KALRN: variants seen among roughly 807,000 people sequenced by gnomAD.
KALRN encodes kalirin.
In KALRN, 70 loss-of-function variants were observed where a neutral mutation model predicts 353.7. That is an observed-to-expected ratio of 0.20 (90% CI 0.16 to 0.24). The LOEUF is 0.24. KALRN is among the 10% of genes least tolerant of loss of function. The probability of loss-of-function intolerance (pLI) is 1.00; values close to 1 mark genes in which losing one functional copy is unlikely to be tolerated. For missense variants in KALRN, 2,791 were observed against 3,756.7 expected (o/e 0.74, Z 6.72); for synonymous variants, 1,391 against 1,434.8 (o/e 0.97, Z 0.69).
Position 124,264,504 on chromosome 3 carries a change from C to A in KALRN, c.270C>A (p.Asp90Glu). Residue 90 changes from aspartate (D) to glutamate (E), a missense_variant, in exon 4 of 60, where the codon GAC (aspartate) becomes GAA (glutamate). Physicochemically the swap from Asp to Glu is conservative, Grantham distance 45. This residue lies in a region of KALRN where 110 missense variants were observed against 204.1 expected (regional missense o/e 0.54). Coordinates refer to ENST00000682506, the MANE Select transcript of KALRN (RefSeq NM_001388419.1). Reference sequence around the variant, plus strand: ...ACCTCTGACCTCCCCACAGTGAGGACGTGTGCAAACGTGGCTTCACTGTCA... The same window carrying A: ...ACCTCTGACCTCCCCACAGTGAGGAAGTGTGCAAACGTGGCTTCACTGTCA... ...VTYLASVPSE[D>E]VCKRGFTVII... 6.2e-7 allele frequency: 1 copy of A among 1,613,730 alleles called. No homozygotes were observed. The highest frequency in any genetic ancestry group is 8.5e-7 in the Non-Finnish European group (1 of 1,179,856).
chr3:124,342,191 C>T (rs762812569), intron 9 of KALRN, among the ~76,000 whole-genome samples: 73 of 134,808 alleles, frequency 5.4e-4, no homozygotes, highest in Middle Eastern at 3.9e-3. Context: ...TATAAATATA[C>T]GGAGTCCAAG....
At chr3:124,294,228 C>G (rs905034145) in intron 5 of KALRN, among the ~76,000 whole-genome samples, 5 of 151,782 alleles carry the variant, frequency 3.3e-5, no homozygotes. Flanking sequence ...GGATAACTGC[C>G]CTGGGGAGCT....
intron 4 of KALRN, among the ~76,000 whole-genome samples, chr3:124,266,780 T>C (rs1404258361): frequency 6.6e-6 from 1 of 152,222 alleles, no homozygotes; most frequent in Non-Finnish European, 1.5e-5. Flanking sequence ...TGGCTTGGTA[T>C]AAAAACAGTG....
In KALRN at chr3:124,167,764, C is replaced by T. The variant is rs567552741; in HGVS notation, c.74-60226C>T. 3.9e-5 allele frequency among the ~76,000 whole-genome samples: 6 copies of T among 152,304 alleles called. No individual in the cohort carries two copies. In the South Asian group the frequency reaches 1.2e-3, roughly 32 times the overall value. On this transcript the variant is annotated intron_variant, in intron 1 of 59. Transcript: ENST00000682506. The stretch of plus-strand genomic sequence containing the variant: ...TCTCCCATAGAGTAGCCAATAGTCA[C>T]ATGTAGCTGTTAACATTAAAATTAG...
intron 49 of KALRN, 40 bp downstream of exon 49, chr3:124,674,654 G>T: frequency 6.7e-7 from 1 of 1,484,198 alleles, no homozygotes; most frequent in Non-Finnish European, 9.0e-7. Context: ...GGAGTATGAG[G>T]ATTAAAAATA....
At chr3:124,330,319 A>G (rs1435102828) in intron 8 of KALRN, among the ~76,000 whole-genome samples, 2 of 150,852 alleles carry the variant, frequency 1.3e-5, no homozygotes, top group Admixed American at 6.6e-5. Flanking sequence ...GTGTGTGAAG[A>G]TTGGACTTTC....
chr3:124,077,675 T>G (rs1452849269), intron 1 of KALRN, among the ~76,000 whole-genome samples: 1 of 152,216 alleles, frequency 6.6e-6, no homozygotes, highest in Admixed American at 6.5e-5. Context: ...ACTATTGCAA[T>G]AGGCTTCAAA....
chr3:124,677,709 T>A (rs1051924719), intron 49 of KALRN: 3 of 427,188 alleles, frequency 7.0e-6, no homozygotes, highest in African/African-American at 4.1e-5. Context: ...ATACAAATCA[T>A]GAGGTAGAAC....
intron 1 of KALRN, among the ~76,000 whole-genome samples, chr3:124,081,747 G>T (rs1217733383): frequency 6.6e-6 from 1 of 152,034 alleles, no homozygotes; most frequent in African/African-American, 2.4e-5. Context: ...ACAGAATGAG[G>T]CCCTGTCTCA....
At chr3:124,417,830 G>A (rs922797441) in intron 14 of KALRN, among the ~76,000 whole-genome samples, 3 of 152,244 alleles carry the variant, frequency 2.0e-5, no homozygotes, top group African/African-American at 4.8e-5. Context: ...GATAACATGG[G>A]AGGATGGAAA....
At chr3:124,053,056 A>T (rs983205282) in intron 1 of KALRN, among the ~76,000 whole-genome samples, 3 of 152,164 alleles carry the variant, frequency 2.0e-5, no homozygotes, top group Non-Finnish European at 4.4e-5. Flanking sequence ...ATTTTTAAAG[A>T]TATGGGGTCT....
intron 33 of KALRN, among the ~76,000 whole-genome samples, chr3:124,510,246 T>C (rs2065749764): frequency 6.6e-6 from 1 of 152,186 alleles, no homozygotes. Flanking sequence ...TTTTACTGAA[T>C]GGGTAGAATT....
chr3:124,040,978 G>A (rs2039901892), intron 1 of KALRN, among the ~76,000 whole-genome samples: 1 of 152,142 alleles, frequency 6.6e-6, no homozygotes, highest in South Asian at 2.1e-4. Context: ...TTGGGCCTTG[G>A]CTCTCTTTCA....
Position 124,152,182 on chromosome 3 carries a change from T to C in KALRN, c.74-75808T>C, listed in dbSNP as rs1336622670. ...AAGAGATCGAACAATCAAAGTGTTA[T>C]CTGTCAAAGCAATTCGCTTCTTATT... is the stretch of plus-strand genomic sequence containing the variant. On this transcript the variant is annotated intron_variant, in intron 1 of 59. Coordinates refer to ENST00000682506, the MANE Select transcript of KALRN (RefSeq NM_001388419.1). The C allele has an allele frequency of 3.2e-6, 5 of 1,546,468 alleles. No homozygotes were observed. The East Asian group carries it at 6.7e-5, about 21-fold the overall frequency.
intron 34 of KALRN, among the ~76,000 whole-genome samples, chr3:124,570,717 T>A (rs2073417715): frequency 6.6e-6 from 1 of 152,180 alleles, no homozygotes; most frequent in Admixed American, 6.5e-5. Flanking sequence ...TCCTTGACAT[T>A]TTTCAGAATC....
intron 47 of KALRN, among the ~76,000 whole-genome samples, chr3:124,671,354 G>T (rs575948997): frequency 1.3e-5 from 2 of 152,122 alleles, no homozygotes; most frequent in East Asian, 3.9e-4. Context: ...CTTCCTTCCT[G>T]CAGCCTAAGT....
In KALRN at chr3:124,633,850, A is replaced by AGAT; in HGVS notation, c.5467_5468insTGA. The AGAT allele has an allele frequency of 6.2e-7, 1 of 1,613,492 alleles. No homozygotes were observed. The highest frequency in any genetic ancestry group is 8.5e-7 in the Non-Finnish European group (1 of 1,179,622). ...ACTAATGCTGCTCTTTTGTTCTAGA[A>AGAT]GAGCAAGAAAGGTTGGGGTGAAGAT... On this transcript the variant is annotated splice_acceptor_variant, in intron 35 of 59. Transcript: ENST00000682506. LOFTEE classifies it high-confidence loss of function.
chr3:124,432,590 C>T (rs1287975377), intron 16 of KALRN, among the ~76,000 whole-genome samples: 1 of 152,188 alleles, frequency 6.6e-6, no homozygotes, highest in African/African-American at 2.4e-5. Context: ...AAAAGGTTTG[C>T]CTCAATCAAA....
rs1459951641 is a variant in KALRN at position 124,719,704 on chromosome 3, A to G, written c.*234A>G. On this transcript the variant is annotated 3_prime_UTR_variant, in exon 60 of 60. Transcript: ENST00000682506. This position sits in a 1 kb window ranked among gnomAD's most constrained non-coding sequence, Gnocchi z 5.3. ...TGAAGAAATAAAGAGGCAAAGGGTCACAGAAGTGTTCAGAAGAAGGGCAAA... is the reference window on the plus strand; with the variant it reads ...TGAAGAAATAAAGAGGCAAAGGGTCGCAGAAGTGTTCAGAAGAAGGGCAAA... The G allele has an allele frequency of 4.0e-6, 2 of 496,704 alleles. No individual in the cohort carries two copies. The highest frequency in any genetic ancestry group is 7.2e-6 in the Non-Finnish European group (2 of 276,996). The allele number at this position is 496,704 out of a possible 1,614,324, so 30.8% of individuals were successfully genotyped here.
Sources: allele counts gnomAD v4.1 joint callset (sites outside exome capture counted in the v4.1 genomes callset), GRCh38; gene constraint gnomAD v4.1.1; regional missense constraint gnomAD v4.1.1; non-coding constraint Gnocchi (gnomAD v3.1); transcripts MANE v1.5; gene names NCBI Gene and HGNC (gene_info 2026-07-23, HGNC 2026-07-21).